Variants in ABR observed in about 807,000 individuals in gnomAD.
ABR encodes active breakpoint cluster region-related protein.
A neutral mutation model predicts 107.2 loss-of-function variants in ABR; 35 were observed. The observed-to-expected ratio is 0.33, with a 90% CI of 0.25 to 0.43. ABR has a LOEUF of 0.43. Ranked by LOEUF, ABR falls within the 20% of genes least tolerant of loss-of-function variation. The probability of loss-of-function intolerance (pLI) is 1.00; values close to 1 mark genes in which losing one functional copy is unlikely to be tolerated. For missense variants in ABR, 815 were observed against 1,115.2 expected (o/e 0.73, Z 3.83); for synonymous variants, 498 against 462.0 (o/e 1.08, Z -1.00).
At chr17:1,025,228 G>A (rs915698260) in intron 16 of ABR, among the ~76,000 whole-genome samples, 11 of 151,900 alleles carry the variant, frequency 7.2e-5, no homozygotes, top group African/African-American at 2.4e-4. Context: ...CCCGGGAGGC[G>A]GAGGCTGCAG....
intron 8 of ABR, among the ~76,000 whole-genome samples, chr17:1,072,332 A>G (rs1184575456): frequency 2.0e-5 from 3 of 152,106 alleles, no homozygotes; most frequent in Non-Finnish European, 4.4e-5. Context: ...GGGGATCAGG[A>G]TTGGAGAGGC....
rs554777657 is a variant in ABR, at chr17:1,034,437, G to T, written c.1791+15613C>A. On this transcript the variant is annotated intron_variant, in intron 16 of 22. Coordinates refer to ENST00000302538, the MANE Select transcript of ABR (RefSeq NM_021962.5). ...TGTGCATTTGGCACGGGTCACTTGT[G>T]CACCTACTAGGCACCACGCCCAGAT... Among the ~76,000 whole-genome samples the T allele has an allele frequency of 1.4e-3, 220 of 152,230 alleles. 2 individuals are homozygous for T. Among genetic ancestry groups the T allele is most frequent in the African/African-American group, 5.2e-3 (215 of 41,532 alleles).
In ABR at chr17:1,006,103, G is replaced by T; in HGVS notation, c.2557C>A (p.Leu853Met). The stretch of plus-strand genomic sequence containing the variant: ...GGCTACACGTCGGTGGAGAAGTACA[G>T]TGTGTTCCGCTTGAGTTCTGCGAAG... ...ISFAELKRNTLYFSTDV is the reference protein window; with the variant it reads ...ISFAELKRNTMYFSTDV Residue 853 changes from leucine to methionine, a missense_variant, in exon 23 of 23, where the codon CTG (leucine) becomes ATG (methionine). By Grantham distance (15) the Leu-to-Met change is conservative (BLOSUM62 2). Transcript: ENST00000302538. 6.3e-7 allele frequency: 1 copy of T among 1,579,166 alleles called. No homozygotes were observed. The highest frequency in any genetic ancestry group is 1.2e-5 in the South Asian group (1 of 86,106).
intron 1 of ABR, among the ~76,000 whole-genome samples, chr17:1,132,466 C>A (rs1231024620): frequency 6.6e-6 from 1 of 150,724 alleles, no homozygotes; most frequent in Non-Finnish European, 1.5e-5. Context: ...GCAACCTCCA[C>A]CTGCCAGGTT....
chr17:1,104,059 G>A (rs2258213), intron 2 of ABR, among the ~76,000 whole-genome samples: 85,196 of 136,060 alleles, frequency 0.63, 24,470 homozygotes, highest in East Asian at 0.87. Context: ...AGGTGCCCAC[G>A]TGCCTAGAAT....
rs112037862 is a variant in ABR at position 1,179,040 on chromosome 17, G to A, written c.61+627C>T. Among the ~76,000 whole-genome samples the A allele has an allele frequency of 6.6e-6, 1 of 151,682 alleles. No homozygotes were observed. Among genetic ancestry groups the A allele is most frequent in the Non-Finnish European group, 1.5e-5 (1 of 67,910 alleles). On this transcript the variant is annotated intron_variant, in intron 1 of 22. Coordinates refer to ENST00000302538, the MANE Select transcript of ABR (RefSeq NM_021962.5). This position sits in a 1 kb window ranked among gnomAD's most constrained non-coding sequence, Gnocchi z 4.9. ...CTTCTGAGGGTGGTGGTGATGATGA[G>A]GGTGGGGGTGGTGATGAGGCTGGCA... is the stretch of plus-strand genomic sequence containing the variant.
chr17:1,103,691 C>A (rs1413224650), intron 2 of ABR, among the ~76,000 whole-genome samples: 1 of 152,154 alleles, frequency 6.6e-6, no homozygotes, highest in African/African-American at 2.4e-5. Flanking sequence ...CTCAGGAAGA[C>A]CCTCCCTCAA....
intron 10 of ABR, among the ~76,000 whole-genome samples, chr17:1,061,246 G>A (rs1012420717): frequency 5.3e-5 from 8 of 152,100 alleles, no homozygotes; most frequent in East Asian, 1.9e-4. Flanking sequence ...CTGGGGCAAC[G>A]GGGAGGCAGC....
chr17:1,085,403 A>T (rs2036532332), intron 4 of ABR, among the ~76,000 whole-genome samples: 1 of 152,164 alleles, frequency 6.6e-6, no homozygotes, highest in South Asian at 2.1e-4. Flanking sequence ...GGCGTGAGCC[A>T]CCGCGCCCGG....
At chr17:1,165,909 T>A (rs1032001073) in intron 1 of ABR, among the ~76,000 whole-genome samples, 10 of 152,164 alleles carry the variant, frequency 6.6e-5, no homozygotes, top group African/African-American at 2.2e-4. Context: ...AGACCCCCAG[T>A]GCCTGGCAGC....
chr17:1,097,712 A>C (rs1187589667), intron 3 of ABR, among the ~76,000 whole-genome samples: 1 of 152,250 alleles, frequency 6.6e-6, no homozygotes, highest in East Asian at 1.9e-4. Context: ...ACGATAGCTC[A>C]TTCACCTGCT....
intron 1 of ABR, among the ~76,000 whole-genome samples, chr17:1,226,603 T>C (rs2043221792): frequency 6.6e-6 from 1 of 151,260 alleles, no homozygotes; most frequent in Non-Finnish European, 1.5e-5. Flanking sequence ...TGTGCACATG[T>C]ACATATGCAG....
chr17:1,183,908 A>G (rs1436348993), upstream of ABR, among the ~76,000 whole-genome samples: 1 of 152,144 alleles, frequency 6.6e-6, no homozygotes, highest in Non-Finnish European at 1.5e-5. Context: ...CTGGCCCATC[A>G]GGTCCTTAAA....
Position 1,010,365 on chromosome 17 carries a change from G to A in ABR, c.2236+364C>T, listed in dbSNP as rs898361713. 4 of 280,866 alleles carry A rather than the reference G, an allele frequency of 1.4e-5. No individual in the cohort carries two copies. The highest frequency in any genetic ancestry group is 4.7e-5 in the Admixed American group (1 of 21,080). 17.4% of individuals were successfully genotyped at this position (280,866 alleles called of 1,614,324 possible). ...AGGCTCAGCACAACCCATCTCGAGT[G>A]CCCTATGGCTTAAGCCAGCCTCCTC... is the stretch of plus-strand genomic sequence containing the variant. On this transcript the variant is annotated intron_variant, in intron 20 of 22. Coordinates refer to ENST00000302538, the MANE Select transcript of ABR (RefSeq NM_021962.5). The surrounding 1 kb of genome is among the most constrained non-coding windows in gnomAD (Gnocchi z 4.1).
intron 1 of ABR, among the ~76,000 whole-genome samples, chr17:1,173,075 TC>T (rs1567857599): frequency 1.6e-4 from 10 of 63,390 alleles, no homozygotes; most frequent in South Asian, 5.9e-4. Flanking sequence ...ACACATCACC[TC>T]AGTCCACCCC....
chr17:1,078,711 T>A lies in ABR; in HGVS notation c.700+619A>T. On this transcript the variant is annotated intron_variant, in intron 6 of 22. Transcript: ENST00000302538. The surrounding 1 kb of genome is among the most constrained non-coding windows in gnomAD (Gnocchi z 7.5). ...AGGTCCAGCCGCTCGCCCACCCTCCTTCCCTGCGGCCCTCTAACCTCCCCG... is the reference window on the plus strand; with the variant it reads ...AGGTCCAGCCGCTCGCCCACCCTCCATCCCTGCGGCCCTCTAACCTCCCCG... 8.0e-7 allele frequency: 1 copy of A among 1,246,456 alleles called. No individual in the cohort carries two copies. Among genetic ancestry groups the A allele is most frequent in the Non-Finnish European group, 1.1e-6 (1 of 901,716 alleles). The allele number at this position is 1,246,456 out of a possible 1,614,324, so 77.2% of individuals were successfully genotyped here.
At position 1,021,715 on chromosome 17, in the gene ABR, A is replaced by G. The variant is rs924769376; in HGVS notation, c.1792-8551T>C. ...GCTACTGGGGAGGCTGAGGCAGGAG[A>G]ATCGCTTGAACCCGGGAGGCGGAGG... is the stretch of plus-strand genomic sequence containing the variant. On this transcript the variant is annotated intron_variant, in intron 16 of 22. Coordinates refer to ENST00000302538, the MANE Select transcript of ABR (RefSeq NM_021962.5). Among the ~76,000 whole-genome samples the G allele has an allele frequency of 1.1e-4, 17 of 151,582 alleles. No homozygotes were observed. In the East Asian group the frequency reaches 1.2e-3, roughly 10 times the overall value.
chr17:1,158,655 C>T (rs537013655), intron 1 of ABR, among the ~76,000 whole-genome samples: 2 of 151,486 alleles, frequency 1.3e-5, no homozygotes, highest in Non-Finnish European at 2.9e-5. Context: ...CCCAGCTACT[C>T]GGGAGGCTGA....
chr17:1,218,458 G>A (rs903587144), intron 1 of ABR, among the ~76,000 whole-genome samples: 6 of 152,318 alleles, frequency 3.9e-5, no homozygotes, highest in Middle Eastern at 3.4e-3. Context: ...GAGGTTAACA[G>A]TTAGTGGTGA....
Sources: gnomAD v4.1 joint callset for allele counts (sites outside exome capture counted in the v4.1 genomes callset) on GRCh38, gnomAD v4.1.1 for gene constraint, Gnocchi (gnomAD v3.1) non-coding constraint, MANE v1.5 for transcripts, NCBI Gene and HGNC (gene_info 2026-07-23, HGNC 2026-07-21) for gene names.